Variants in DLGAP2 observed in about 807,000 individuals in gnomAD.
DLGAP2 encodes disks large-associated protein 2.
In DLGAP2, 26 loss-of-function variants were observed where a neutral mutation model predicts 100.3. The observed-to-expected ratio is 0.26, with a 90% CI of 0.19 to 0.36. DLGAP2 has a LOEUF of 0.36. Ranked by LOEUF, DLGAP2 falls within the 10% of genes least tolerant of loss-of-function variation. The pLI is 1.00. For synonymous variants in DLGAP2, 886 were observed against 630.1 expected (o/e 1.41, Z -6.08); for missense variants, 1,858 against 1,453.2 (o/e 1.28, Z -4.53).
intron 6 of DLGAP2, among the ~76,000 whole-genome samples, chr8:1,622,614 G>A (rs891758214): frequency 2.6e-5 from 4 of 152,216 alleles, no homozygotes; most frequent in Non-Finnish European, 5.9e-5. Context: ...CACTTGCACA[G>A]CTTTCCGTCT....
chr8:1,306,549 A>C (rs934520206), intron 3 of DLGAP2, among the ~76,000 whole-genome samples: 1 of 152,180 alleles, frequency 6.6e-6, no homozygotes, highest in Non-Finnish European at 1.5e-5. Flanking sequence ...CCACCCTAAA[A>C]TTTATATGGA....
chr8:1,686,968 A>C (rs1799131647), intron 12 of DLGAP2, among the ~76,000 whole-genome samples: 1 of 152,222 alleles, frequency 6.6e-6, no homozygotes, highest in South Asian at 2.1e-4. Context: ...CTGTTCAAAT[A>C]TCATATGTGC....
At chr8:971,934 A>T (rs1584935786) in intron 2 of DLGAP2, among the ~76,000 whole-genome samples, 1 of 152,172 alleles carries the variant, frequency 6.6e-6, no homozygotes, top group Non-Finnish European at 1.5e-5. Context: ...AGACCCAATC[A>T]TAGCATTGTT....
In DLGAP2 at chr8:1,641,051, G is replaced by T. The variant is rs77729021; in HGVS notation, c.1810+8005G>T. On this transcript the variant is annotated intron_variant, in intron 8 of 14. Transcript: ENST00000637795. ...TGGCTGTGGGGAAGGAGAAGCCCTG[G>T]GAGACACGGGTAAGGGTCGGGTGTC... 4.1e-4 allele frequency among the ~76,000 whole-genome samples: 62 copies of T among 152,224 alleles called. No individual in the cohort carries two copies. In the East Asian group the frequency reaches 0.012, roughly 30 times the overall value.
intron 2 of DLGAP2, among the ~76,000 whole-genome samples, chr8:1,152,365 C>T (rs1472804582): frequency 6.6e-6 from 1 of 152,198 alleles, no homozygotes; most frequent in Admixed American, 6.5e-5. Flanking sequence ...ATCATTAAAA[C>T]ACAGAGTTTG....
intron 2 of DLGAP2, among the ~76,000 whole-genome samples, chr8:943,228 T>C (rs543026138): frequency 3.3e-5 from 5 of 152,292 alleles, no homozygotes; most frequent in Admixed American, 6.5e-5. Flanking sequence ...ATGGCCACTT[T>C]TCCAGGCAGC....
At chr8:1,319,279 C>A (rs565135747) in intron 3 of DLGAP2, among the ~76,000 whole-genome samples, 1 of 152,296 alleles carries the variant, frequency 6.6e-6, no homozygotes, top group Non-Finnish European at 1.5e-5. Context: ...GCCTCTGCCA[C>A]AATGTGTGCT....
At chr8:1,274,433 GAA>G (rs1316281145) in intron 3 of DLGAP2, among the ~76,000 whole-genome samples, 12 of 151,010 alleles carry the variant, frequency 7.9e-5, no homozygotes, top group Non-Finnish European at 1.8e-4. Flanking sequence ...ATTTGTTTTA[GAA>G]CATAAACCAT....
intron 6 of DLGAP2, among the ~76,000 whole-genome samples, chr8:1,624,421 G>A (rs778233112): frequency 3.3e-5 from 5 of 151,882 alleles, no homozygotes; most frequent in Admixed American, 6.6e-5. Flanking sequence ...GGCTTCGTCC[G>A]CTGCACATGA....
At chr8:1,528,875 A>G (rs1001038594) in intron 4 of DLGAP2, among the ~76,000 whole-genome samples, 2 of 150,504 alleles carry the variant, frequency 1.3e-5, no homozygotes, top group African/African-American at 4.9e-5. Flanking sequence ...GCTTCCAGGC[A>G]GAAAATAGTG....
chr8:1,559,946 C>T (rs1183610150), intron 5 of DLGAP2, among the ~76,000 whole-genome samples: 4 of 152,208 alleles, frequency 2.6e-5, no homozygotes, highest in African/African-American at 7.2e-5. Context: ...TCCCGTCAGC[C>T]GACAGTGACC....
chr8:1,689,224 C>A (rs1045991601), intron 12 of DLGAP2, among the ~76,000 whole-genome samples: 5 of 152,170 alleles, frequency 3.3e-5, no homozygotes, highest in Non-Finnish European at 7.3e-5. Context: ...AGGGGCATCT[C>A]CTAAACGTAG....
At chr8:849,845 A>T (rs1360004239) in intron 1 of DLGAP2, among the ~76,000 whole-genome samples, 1 of 152,124 alleles carries the variant, frequency 6.6e-6, no homozygotes, top group African/African-American at 2.4e-5. Context: ...TGGGAGGCCA[A>T]GGTGGGCCAG....
intron 2 of DLGAP2, among the ~76,000 whole-genome samples, chr8:1,126,866 G>T (rs73526547): frequency 0.015 from 2,227 of 152,064 alleles, 56 homozygotes; most frequent in African/African-American, 0.051. Context: ...TCACTGGATT[G>T]TCCCTGGGGA....
chr8:985,571 G>A (rs561054668), intron 2 of DLGAP2, among the ~76,000 whole-genome samples: 1 of 152,322 alleles, frequency 6.6e-6, no homozygotes, highest in South Asian at 2.1e-4. Flanking sequence ...TTATTATGCT[G>A]TGAAGGAGAG....
intron 6 of DLGAP2, among the ~76,000 whole-genome samples, chr8:1,574,825 G>A (rs1029431823): frequency 2.6e-5 from 4 of 152,172 alleles, no homozygotes; most frequent in Admixed American, 6.5e-5. Flanking sequence ...ACGAACATAC[G>A]TGTGACAGGC....
At chr8:1,195,791 G>A (rs13272646) in intron 2 of DLGAP2, among the ~76,000 whole-genome samples, 24,485 of 152,230 alleles carry the variant, frequency 0.16, 2,403 homozygotes, top group Non-Finnish European at 0.23. Context: ...ACCGTGTGGC[G>A]CGTTCCCCGG....
intron 2 of DLGAP2, among the ~76,000 whole-genome samples, chr8:1,103,578 A>G (rs1804659358): frequency 7.4e-4 from 1 of 1,354 alleles, no homozygotes; most frequent in Non-Finnish European, 1.2e-3. Flanking sequence ...GCCTTGGTTG[A>G]CGGTGATGAC....
intron 2 of DLGAP2, among the ~76,000 whole-genome samples, chr8:1,057,493 G>A (rs886764068): frequency 1.3e-5 from 2 of 152,202 alleles, no homozygotes; most frequent in African/African-American, 2.4e-5. Context: ...GGATATAAAT[G>A]GCATTGCCTA....
Sources: allele counts gnomAD v4.1 joint callset (sites outside exome capture counted in the v4.1 genomes callset), GRCh38; gene constraint gnomAD v4.1.1; transcripts MANE v1.5; gene names NCBI Gene and HGNC (gene_info 2026-07-23, HGNC 2026-07-21).